Variants in RYR2 observed in about 807,000 individuals in gnomAD.
RYR2 encodes the protein cardiac muscle ryanodine receptor-calcium release channel.
RYR2 carries 227 observed loss-of-function variants against 601.1 expected under a neutral mutation model. The observed-to-expected ratio is 0.38, with a 90% CI of 0.34 to 0.42. The LOEUF is 0.42. Among genes scored for constraint, RYR2 ranks in the 10% least tolerant of loss-of-function variants. RYR2 has a pLI of 1.00. For missense variants in RYR2, 4,646 were observed against 6,156.5 expected (o/e 0.75, Z 8.21); for synonymous variants, 2,223 against 2,175.1 (o/e 1.02, Z -0.61).
At chr1:237,532,336 T>C (rs1668213425) in intron 25 of RYR2, among the ~76,000 whole-genome samples, 1 of 152,234 alleles carries the variant, frequency 6.6e-6, no homozygotes, top group Admixed American at 6.5e-5. Flanking sequence ...ATAAATAATT[T>C]TTGTTATTAA....
At chr1:237,632,568 T>C (rs1186133780) in intron 42 of RYR2, among the ~76,000 whole-genome samples, 2 of 151,788 alleles carry the variant, frequency 1.3e-5, no homozygotes, top group Admixed American at 6.6e-5. Context: ...CTAATTTTTT[T>C]GGTATTTTTA....
At chr1:237,290,007 A>G (rs561311398) in intron 2 of RYR2, among the ~76,000 whole-genome samples, 32 of 152,354 alleles carry the variant, frequency 2.1e-4, no homozygotes, top group African/African-American at 7.5e-4. Context: ...GCATGAGTTT[A>G]CAATACAACA....
At chr1:237,714,990 TCAAAAAAAAAAAAAAAAAAA>T (rs1689145374) in intron 71 of RYR2, among the ~76,000 whole-genome samples, 2 of 89,400 alleles carry the variant, frequency 2.2e-5, no homozygotes, top group Admixed American at 1.2e-4. Flanking sequence ...AGACTCCATC[TCAAAAAAAAAAAAAAAAAAA>T]AAAAAAAAAA....
intron 3 of RYR2, among the ~76,000 whole-genome samples, chr1:237,353,132 G>T (rs1322168546): frequency 6.6e-6 from 1 of 152,112 alleles, no homozygotes; most frequent in African/African-American, 2.4e-5. Flanking sequence ...CATGGTAACT[G>T]CTTTAACTTA....
intron 62 of RYR2, 52 bp from the exon 63 acceptor site, chr1:237,687,387 TTTCCCCCTGTCTTTTC>T: frequency 5.6e-6 from 3 of 536,314 alleles, no homozygotes; most frequent in Non-Finnish European, 9.8e-6. Context: ...TTTTTTTTAA[TTTCCCCCTGTCTTTTC>T]TACCTTCCCT....
At chr1:237,596,472 A>AGAC (rs1675906202) in intron 34 of RYR2, among the ~76,000 whole-genome samples, 1 of 152,158 alleles carries the variant, frequency 6.6e-6, no homozygotes, top group Admixed American at 6.5e-5. Flanking sequence ...ATGAACTTGA[A>AGAC]GACAGGTCTT....
intron 54 of RYR2, among the ~76,000 whole-genome samples, chr1:237,658,339 AATG>A (rs1683448489): frequency 6.6e-6 from 1 of 152,158 alleles, no homozygotes; most frequent in South Asian, 2.1e-4. Context: ...TTCAGGAGGA[AATG>A]ATGACTCCGG....
chr1:237,538,210 T>G (rs920585081), intron 25 of RYR2, among the ~76,000 whole-genome samples: 1 of 150,120 alleles, frequency 6.7e-6, no homozygotes, highest in Admixed American at 6.6e-5. Context: ...GGCAACATGG[T>G]GAAACCCCGT....
chr1:237,677,668 T>C (rs1685522262), intron 60 of RYR2, among the ~76,000 whole-genome samples: 1 of 152,170 alleles, frequency 6.6e-6, no homozygotes, highest in Admixed American at 6.5e-5. Flanking sequence ...CAATTATGTT[T>C]ATTCAATTTA....
At chr1:237,599,808 C>CAA (rs56123861) in intron 34 of RYR2, among the ~76,000 whole-genome samples, 3,571 of 107,766 alleles carry the variant, frequency 0.033, 190 homozygotes, top group African/African-American at 0.12. Context: ...GACTCCATCT[C>CAA]AAAAAAAAAA....
intron 80 of RYR2, among the ~76,000 whole-genome samples, chr1:237,751,124 C>T (rs941899837): frequency 6.6e-6 from 1 of 152,226 alleles, no homozygotes; most frequent in African/African-American, 2.4e-5. Flanking sequence ...CTGGCGCCCT[C>T]ATGACCTAAC....
chr1:237,730,572 GA>G (rs1690592895), intron 77 of RYR2, among the ~76,000 whole-genome samples: 1 of 152,058 alleles, frequency 6.6e-6, no homozygotes, highest in Admixed American at 6.6e-5. Flanking sequence ...AAGGGGTTGA[GA>G]ATTTAAAATG....
intron 73 of RYR2, 67 bp from the exon 74 acceptor site, chr1:237,723,061 T>C: frequency 7.1e-7 from 1 of 1,403,670 alleles, no homozygotes; most frequent in Non-Finnish European, 9.8e-7. Context: ...ACTCTTCCTA[T>C]CTTTAGATTG....
At chr1:237,129,674 T>C (rs563362317) in intron 1 of RYR2, among the ~76,000 whole-genome samples, 1 of 149,466 alleles carries the variant, frequency 6.7e-6, no homozygotes, top group African/African-American at 2.4e-5. Flanking sequence ...TAGTATGATA[T>C]ATAGTATGAT....
intron 3 of RYR2, among the ~76,000 whole-genome samples, chr1:237,339,115 T>G (rs1697514432): frequency 6.6e-6 from 1 of 152,072 alleles, no homozygotes; most frequent in Non-Finnish European, 1.5e-5. Context: ...AATACAGAAT[T>G]AGTATGTAAA....
At chr1:237,108,492 C>T (rs190657765) in intron 1 of RYR2, among the ~76,000 whole-genome samples, 2 of 152,342 alleles carry the variant, frequency 1.3e-5, no homozygotes, top group African/African-American at 4.8e-5. Flanking sequence ...GCCGCTGGAG[C>T]AGCAACAGAA....
intron 29 of RYR2, among the ~76,000 whole-genome samples, chr1:237,569,753 T>A (rs941575793): frequency 1.3e-5 from 2 of 152,176 alleles, no homozygotes; most frequent in East Asian, 1.9e-4. Context: ...CACTGTCCTA[T>A]CTTTGTATAG....
chr1:237,067,163 T>C (rs1460359875), intron 1 of RYR2, among the ~76,000 whole-genome samples: 5 of 143,816 alleles, frequency 3.5e-5, no homozygotes, highest in African/African-American at 1.3e-4. Flanking sequence ...AAGTAAAATT[T>C]ATTGGTATTT....
rs1039259551 is a variant in RYR2 at position 237,180,168 on chromosome 1, A to T, written c.49-90329A>T. 1.3e-5 allele frequency among the ~76,000 whole-genome samples: 2 copies of T among 151,012 alleles called. No individual in the cohort carries two copies. The highest frequency in any genetic ancestry group is 5.0e-5 in the African/African-American group (2 of 40,370). ...AGTTAGAGCCTGGGACAATGGCCTG[A>T]TGGGAAATGCTGCATTTGGTCCCCA... On this transcript the variant is annotated intron_variant, in intron 1 of 104. Transcript: ENST00000366574. This position sits in a 1 kb window ranked among gnomAD's most constrained non-coding sequence, Gnocchi z 5.3.
Sources: allele counts gnomAD v4.1 joint callset (sites outside exome capture counted in the v4.1 genomes callset), GRCh38; gene constraint gnomAD v4.1.1; non-coding constraint Gnocchi (gnomAD v3.1); transcripts MANE v1.5; gene names NCBI Gene and HGNC (gene_info 2026-07-23, HGNC 2026-07-21).